The following RANBP2 variants were observed in gnomAD, a reference collection of about 807,000 sequenced individuals.
RANBP2 encodes the protein RAN binding protein 2, also known as E3 SUMO-protein ligase RanBP2.
RANBP2 carries 57 observed loss-of-function variants against 303.6 expected under a neutral mutation model. The observed-to-expected ratio is 0.19, with a 90% CI of 0.15 to 0.23. The LOEUF (loss-of-function observed/expected upper bound fraction) is 0.23. Among genes scored for constraint, RANBP2 ranks in the 10% least tolerant of loss-of-function variants. RANBP2 has a pLI of 1.00. For missense variants in RANBP2, 3,138 were observed against 3,780.8 expected (o/e 0.83, Z 4.46); for synonymous variants, 1,167 against 1,301.5 (o/e 0.90, Z 2.23).
chr2:108,735,926 G>A (rs1695545038), intron 5 of RANBP2, among the ~76,000 whole-genome samples, 164 bp downstream of exon 5: 2 of 152,166 alleles, frequency 1.3e-5, no homozygotes, highest in African/African-American at 4.8e-5. Context: ...ATAATGGGAA[G>A]ATTGGGGAGA....
the RANBP2 span, among the ~76,000 whole-genome samples, chr2:109,012,110 C>T: frequency 5.5e-4 from 84 of 152,244 alleles, no homozygotes; most frequent in South Asian, 5.0e-3. Flanking sequence ...TATTTAAGAG[C>T]GGAAGATTAA....
the RANBP2 span, among the ~76,000 whole-genome samples, chr2:109,313,779 C>T: frequency 3.9e-5 from 6 of 152,220 alleles, no homozygotes; most frequent in Admixed American, 2.0e-4. Flanking sequence ...TCAGCTGCTC[C>T]AGGCAGCTGT....
chr2:109,279,545 C>T, the RANBP2 span, among the ~76,000 whole-genome samples: 2 of 152,142 alleles, frequency 1.3e-5, no homozygotes, highest in African/African-American at 4.8e-5. Flanking sequence ...TCCTACAGGT[C>T]AGGGCTGGAA....
chr2:108,899,249 G>T, the RANBP2 span, among the ~76,000 whole-genome samples: 1 of 152,244 alleles, frequency 6.6e-6, no homozygotes, highest in African/African-American at 2.4e-5. Flanking sequence ...CTGGAGACCA[G>T]AGAGAAGTAG....
the RANBP2 span, among the ~76,000 whole-genome samples, chr2:108,860,011 A>G: frequency 0.021 from 3,187 of 151,844 alleles, 114 homozygotes; most frequent in South Asian, 0.083. Flanking sequence ...TTGTAGAGAT[A>G]TTTCACCTTC....
chr2:109,002,298 T>C, the RANBP2 span, among the ~76,000 whole-genome samples: 1 of 152,202 alleles, frequency 6.6e-6, no homozygotes, highest in African/African-American at 2.4e-5. Context: ...TTCCTTACGC[T>C]TGTGAGCCGG....
the RANBP2 span, among the ~76,000 whole-genome samples, chr2:109,413,046 G>A: frequency 3.3e-4 from 50 of 152,276 alleles, no homozygotes; most frequent in African/African-American, 1.1e-3. Context: ...CAGGTTTTTC[G>A]TATCATAAAC....
At chr2:109,286,469 C>T in the RANBP2 span, among the ~76,000 whole-genome samples, 1 of 152,184 alleles carries the variant, frequency 6.6e-6, no homozygotes, top group African/African-American at 2.4e-5. Flanking sequence ...CTCTCAGCTG[C>T]ACCACAGTCC....
the RANBP2 span, among the ~76,000 whole-genome samples, chr2:109,106,818 C>CAGAGCA: frequency 6.6e-6 from 1 of 151,490 alleles, no homozygotes; most frequent in African/African-American, 2.4e-5. Context: ...TTCTGGGTGA[C>CAGAGCA]AGAGCAAGAC....
chr2:108,850,062 C>G, the RANBP2 span, among the ~76,000 whole-genome samples: 1 of 152,208 alleles, frequency 6.6e-6, no homozygotes, highest in African/African-American at 2.4e-5. Context: ...GAAGAAATGT[C>G]AGAGCCAGAT....
the RANBP2 span, among the ~76,000 whole-genome samples, chr2:109,332,445 C>G: frequency 3.9e-5 from 6 of 152,336 alleles, no homozygotes; most frequent in African/African-American, 1.4e-4. Context: ...CCTGGACGGG[C>G]TTGGGGCTGA....
At chr2:109,520,512 A>C in the RANBP2 span, among the ~76,000 whole-genome samples, 1 of 150,324 alleles carries the variant, frequency 6.7e-6, no homozygotes, top group Non-Finnish European at 1.5e-5. Context: ...AGGCAGAAGA[A>C]TCGCTGGAAC....
chr2:108,871,802 A>T, the RANBP2 span, among the ~76,000 whole-genome samples: 2 of 152,168 alleles, frequency 1.3e-5, no homozygotes, highest in Non-Finnish European at 2.9e-5. Context: ...GATTTTTAAA[A>T]GTGATATTGC....
the RANBP2 span, among the ~76,000 whole-genome samples, chr2:109,037,370 A>T: frequency 6.6e-6 from 1 of 151,156 alleles, no homozygotes; most frequent in Admixed American, 6.6e-5. Context: ...ATGGAGAAAG[A>T]TGGAATGCTT....
At chr2:109,680,894 A>G in the RANBP2 span, among the ~76,000 whole-genome samples, 1 of 152,170 alleles carries the variant, frequency 6.6e-6, no homozygotes. Flanking sequence ...TATAAATTCC[A>G]CTTTGTCAAA....
At chr2:109,680,287 A>G in the RANBP2 span, among the ~76,000 whole-genome samples, 1 of 151,660 alleles carries the variant, frequency 6.6e-6, no homozygotes, top group Admixed American at 6.6e-5. Flanking sequence ...CCGGAGGCGG[A>G]GCTTGCAGTG....
chr2:109,345,075 G>A, the RANBP2 span, among the ~76,000 whole-genome samples: 8 of 152,170 alleles, frequency 5.3e-5, no homozygotes, highest in Non-Finnish European at 7.3e-5. Flanking sequence ...CAGAATCCCC[G>A]TGACTCAGGA....
the RANBP2 span, among the ~76,000 whole-genome samples, chr2:109,080,058 G>A: frequency 1.3e-5 from 2 of 152,216 alleles, no homozygotes; most frequent in Non-Finnish European, 2.9e-5. Context: ...CGATGATTGT[G>A]GACTCAATGC....
At chr2:108,896,741 A>G in the RANBP2 span, 4 of 663,770 alleles carry the variant, frequency 6.0e-6, no homozygotes, top group African/African-American at 7.3e-5. Context: ...CTTTGGTTAA[A>G]TTGGAAGACA....
Sources: allele counts gnomAD v4.1 joint callset (sites outside exome capture counted in the v4.1 genomes callset), GRCh38; gene constraint gnomAD v4.1.1; transcripts MANE v1.5; gene names NCBI Gene and HGNC (gene_info 2026-07-23, HGNC 2026-07-21).